The following VWDE variants were observed in gnomAD, a reference collection of about 807,000 sequenced individuals.
VWDE encodes von Willebrand factor D and EGF domains, also known as von Willebrand factor D and EGF domain-containing protein.
In VWDE, 207 loss-of-function variants were observed where a neutral mutation model predicts 178.4. The ratio of observed to expected loss-of-function variants is 1.16; its 90% CI spans 1.04 to 1.30. The LOEUF (loss-of-function observed/expected upper bound fraction) is 1.30, where lower values mean the gene tolerates loss of function less well. Among genes scored for constraint, VWDE ranks in the 50% most tolerant of loss-of-function variants. The pLI is 0.00. For missense variants in VWDE, 2,287 were observed against 1,901.3 expected (o/e 1.20, Z -3.77); for synonymous variants, 738 against 651.4 (o/e 1.13, Z -2.02).
At position 12,342,142 on chromosome 7, in the gene VWDE, CT is replaced by C; in HGVS notation, c.4186del (p.Arg1396GlyfsTer74). 6.4e-7 allele frequency: 1 copy of C among 1,551,236 alleles called. No homozygotes were observed. The highest frequency in any genetic ancestry group is 8.7e-7 in the Non-Finnish European group (1 of 1,146,714). The stretch of plus-strand genomic sequence containing the variant: ...ACACTGGCCTCCATTTTCACAGTGC[CT>C]GTTACAAACCACTGAGATCATAGAA... ...GPRCETMVCN[R>X]HCENGGQCLT... On this transcript the variant is annotated frameshift_variant, in exon 23 of 29. Coordinates refer to ENST00000275358, the MANE Select transcript of VWDE (RefSeq NM_001135924.3). LOFTEE classifies it high-confidence loss of function.
chr7:12,398,595 T>C (rs1288411558), intron 1 of VWDE, among the ~76,000 whole-genome samples: 1 of 152,152 alleles, frequency 6.6e-6, no homozygotes, highest in African/African-American at 2.4e-5. Flanking sequence ...TGGAGCACCC[T>C]ATAAAGCCCT....
chr7:12,370,610 TAAG>T (rs1232937835), intron 11 of VWDE, 43 bp downstream of exon 11: 1 of 1,539,666 alleles, frequency 6.5e-7, no homozygotes, highest in Non-Finnish European at 8.8e-7. Context: ...CCACCCGTTT[TAAG>T]TCTAATATTA....
intron 19 of VWDE, among the ~76,000 whole-genome samples, chr7:12,345,881 CTTT>C (rs1340880613): frequency 6.6e-6 from 1 of 152,036 alleles, no homozygotes; most frequent in East Asian, 1.9e-4. Context: ...TGCTCAGTAA[CTTT>C]TTGATAGTAG....
At chr7:12,367,018 T>C (rs916219523) in intron 13 of VWDE, among the ~76,000 whole-genome samples, 1 of 152,066 alleles carries the variant, frequency 6.6e-6, no homozygotes, top group Non-Finnish European at 1.5e-5. Context: ...TCATATCCAG[T>C]TGATGCAAGA....
Position 12,331,180 on chromosome 7 carries a change from T to C in VWDE, c.*3A>G. On this transcript the variant is annotated 3_prime_UTR_variant, in exon 29 of 29. Transcript: ENST00000275358. Reference sequence around the variant, plus strand: ...GGCTTGTAATTCATATACTTGATGCTACTCAATGGCGTCTTATCTGTAGTA... The same window carrying C: ...GGCTTGTAATTCATATACTTGATGCCACTCAATGGCGTCTTATCTGTAGTA... 6.5e-7 allele frequency: 1 copy of C among 1,541,852 alleles called. No homozygotes were observed. Among genetic ancestry groups the C allele is most frequent in the Non-Finnish European group, 8.8e-7 (1 of 1,140,394 alleles).
chr7:12,375,070 T>C lies in VWDE; in HGVS notation c.1182A>G (p.Val394=). 6.4e-7 allele frequency: 1 copy of C among 1,551,322 alleles called. No homozygotes were observed. The highest frequency in any genetic ancestry group is 8.7e-7 in the Non-Finnish European group (1 of 1,146,682). Residue 394 remains valine (V), a synonymous_variant, in exon 8 of 29, where the codon GTA becomes GTG. Coordinates refer to ENST00000275358, the MANE Select transcript of VWDE (RefSeq NM_001135924.3). ...SRDGDRVSNI[V]VQPIVNEDFL... is the part of the protein sequence containing the mutation. ...AATCCTCATTAACTATTGGTTGCACTACAATGTTTGAGACTCTATCTCCAT... is the reference window on the plus strand; with the variant it reads ...AATCCTCATTAACTATTGGTTGCACCACAATGTTTGAGACTCTATCTCCAT...
At chr7:12,360,531 G>A (rs946783054) in intron 15 of VWDE, among the ~76,000 whole-genome samples, 1 of 152,090 alleles carries the variant, frequency 6.6e-6, no homozygotes, top group Non-Finnish European at 1.5e-5. Context: ...AAATTTTCAT[G>A]TACATAAATA....
intron 16 of VWDE, among the ~76,000 whole-genome samples, chr7:12,359,267 T>TG (rs1782441171): frequency 6.6e-6 from 1 of 152,178 alleles, no homozygotes; most frequent in Non-Finnish European, 1.5e-5. Context: ...TAACAAGTGC[T>TG]GAATCCATGG....
chr7:12,393,553 CAT>C (rs1358179254), intron 2 of VWDE, 39 bp downstream of exon 2: 1 of 1,422,008 alleles, frequency 7.0e-7, no homozygotes, highest in Non-Finnish European at 9.3e-7. Context: ...ATGAAAAACA[CAT>C]AAGGAAAATA....
chr7:12,369,906 G>T lies in VWDE; in HGVS notation c.2400C>A (p.Gly800=). ...GGGTCAAGGTGCTATACTCGGTGAG[G>T]CCAGAGGGAGTGGGCCAAGAGGGGA... The part of the protein sequence containing the change: ...EFFPSWPTPS[G]LTEYSTLTLC... The change falls in exon 12 of 29, where the codon GGC becomes GGA. Residue 800 remains glycine (G), a synonymous_variant. Coordinates refer to ENST00000275358, the MANE Select transcript of VWDE (RefSeq NM_001135924.3). 2 of 1,551,488 alleles carry T rather than the reference G, an allele frequency of 1.3e-6. No individual in the cohort carries two copies. The highest frequency in any genetic ancestry group is 1.4e-5 in the African/African-American group (1 of 73,136).
At chr7:12,383,095 T>G (rs12699367) in intron 4 of VWDE, among the ~76,000 whole-genome samples, 1 of 151,748 alleles carries the variant, frequency 6.6e-6, no homozygotes, top group East Asian at 1.9e-4. Flanking sequence ...TGTCAGTGTT[T>G]ATGTATCAGA....
chr7:12,359,899 A>T (rs1183257618), intron 15 of VWDE, among the ~76,000 whole-genome samples: 1 of 152,144 alleles, frequency 6.6e-6, no homozygotes, highest in African/African-American at 2.4e-5. Flanking sequence ...GAGGTAATAA[A>T]AGTACACATA....
In VWDE at chr7:12,396,754, TAAA is replaced by T. The variant is rs60278932; in HGVS notation, c.59-2979_59-2977del. ...AACAAGGAGAAACCCCATCTCTACT[TAAA>T]AAAAAAAAAAAAATACAAAAATACA... On this transcript the variant is annotated intron_variant, in intron 1 of 28. Transcript: ENST00000275358. Among the ~76,000 whole-genome samples the T allele has an allele frequency of 7.4e-3, 1,032 of 140,064 alleles. 14 individuals are homozygous for T. The highest frequency in any genetic ancestry group is 0.024 in the African/African-American group (950 of 39,160). 91.9% of individuals were successfully genotyped at this position (140,064 alleles called of 152,430 possible).
rs374848033 is a variant in VWDE, at chr7:12,337,488, G to T, written c.4367-216C>A. Among the ~76,000 whole-genome samples the T allele has an allele frequency of 9.2e-5, 14 of 152,164 alleles. No individual in the cohort carries two copies. In the East Asian group the frequency reaches 1.7e-3, roughly 19 times the overall value. Reference sequence around the variant, plus strand: ...GGTTAGCACAATTTGAAATATATTGGTTAAGTGTTCATAACAAATTGAGTC... The same window carrying T: ...GGTTAGCACAATTTGAAATATATTGTTTAAGTGTTCATAACAAATTGAGTC... On this transcript the variant is annotated intron_variant, in intron 24 of 28. Coordinates refer to ENST00000275358, the MANE Select transcript of VWDE (RefSeq NM_001135924.3).
chr7:12,390,693 G>A (rs702473), intron 2 of VWDE, among the ~76,000 whole-genome samples: 13,025 of 151,558 alleles, frequency 0.086, 619 homozygotes, highest in Middle Eastern at 0.12. Context: ...GACTACAAAT[G>A]GGCAAAATGT....
chr7:12,352,656 A>C (rs373879574), intron 18 of VWDE, among the ~76,000 whole-genome samples: 1 of 152,188 alleles, frequency 6.6e-6, no homozygotes, highest in Non-Finnish European at 1.5e-5. Flanking sequence ...TGTGAGAAGC[A>C]GAAGTAGAGA....
rs1431628983 is a variant in VWDE, at chr7:12,393,677, T to A, written c.160A>T (p.Ile54Leu). 1 of 1,551,200 alleles carries A rather than the reference T, an allele frequency of 6.4e-7. No individual in the cohort carries two copies. Among genetic ancestry groups the A allele is most frequent in the East Asian group, 2.4e-5 (1 of 40,902 alleles). ...HLQQSAVQDL[I>L]CDHSLSPGWY... is the part of the protein sequence containing the mutation. The stretch of plus-strand genomic sequence containing the variant: ...CCAGGGGAGAGGGAATGGTCACATA[T>A]TAGGTCTTGAACAGCTGACTGCTGG... The change falls in exon 2 of 29, where the codon ATA becomes TTA. Residue 54 changes from isoleucine to leucine, a missense_variant. Ile to Leu is a conservative substitution (Grantham distance 5). Coordinates refer to ENST00000275358, the MANE Select transcript of VWDE (RefSeq NM_001135924.3).
At chr7:12,362,260 T>G (rs897295893) in intron 13 of VWDE, among the ~76,000 whole-genome samples, 1 of 151,266 alleles carries the variant, frequency 6.6e-6, no homozygotes. Flanking sequence ...AATGCACACA[T>G]ACTGAGTCTT....
At chr7:12,333,723 C>T in intron 27 of VWDE, 155 bp from the exon 28 acceptor site, 1 of 546,184 alleles carries the variant, frequency 1.8e-6, no homozygotes, top group Non-Finnish European at 3.3e-6. Context: ...AATCTATGTA[C>T]TCTTGTCTTT....
Sources: allele counts gnomAD v4.1 joint callset (sites outside exome capture counted in the v4.1 genomes callset), GRCh38; gene constraint gnomAD v4.1.1; transcripts MANE v1.5; gene names NCBI Gene and HGNC (gene_info 2026-07-23, HGNC 2026-07-21).